CDK14: variants seen among roughly 807,000 people sequenced by gnomAD.
CDK14 encodes cyclin dependent kinase 14, also known as cyclin-dependent kinase 14.
Under a neutral mutation model 60.7 loss-of-function variants are expected in CDK14, and 34 were observed. That is an observed-to-expected ratio of 0.56 (90% CI 0.43 to 0.75). CDK14 has a LOEUF of 0.75. CDK14 is among the 30% of genes least tolerant of loss of function. CDK14 has a pLI of 0.00. For missense variants in CDK14, 482 were observed against 564.1 expected (o/e 0.85, Z 1.47); for synonymous variants, 197 against 203.7 (o/e 0.97, Z 0.28).
At chr7:91,048,324 T>G (rs1797297299) in intron 11 of CDK14, among the ~76,000 whole-genome samples, 1 of 152,222 alleles carries the variant, frequency 6.6e-6, no homozygotes, top group South Asian at 2.1e-4. Context: ...CTCATGTCAC[T>G]GCAAGGAGGA....
At chr7:91,146,490 C>T (rs892684843) in intron 14 of CDK14, among the ~76,000 whole-genome samples, 9 of 152,258 alleles carry the variant, frequency 5.9e-5, no homozygotes, top group Admixed American at 2.0e-4. Flanking sequence ...CGTGAGCCAC[C>T]GTGCCCAGCG....
intron 2 of CDK14, among the ~76,000 whole-genome samples, chr7:90,643,691 G>T (rs564102271): frequency 1.2e-4 from 18 of 152,290 alleles, no homozygotes; most frequent in African/African-American, 4.3e-4. Flanking sequence ...TAGGAAGCCA[G>T]ATGACAGCTT....
At chr7:90,710,362 T>G in intron 2 of CDK14, 1 of 985,318 alleles carries the variant, frequency 1.0e-6, no homozygotes, top group African/African-American at 1.7e-5. Flanking sequence ...GAATGCCCTC[T>G]GAGTCAAGCA....
At chr7:90,817,988 A>G (rs1745992312) in intron 5 of CDK14, among the ~76,000 whole-genome samples, 1 of 152,188 alleles carries the variant, frequency 6.6e-6, no homozygotes, top group South Asian at 2.1e-4. Context: ...ATTCACACCT[A>G]AGCCCATCTG....
intron 2 of CDK14, among the ~76,000 whole-genome samples, chr7:90,637,733 G>T (rs1242414222): frequency 1.5e-5 from 2 of 133,476 alleles, no homozygotes; most frequent in African/African-American, 5.9e-5. Context: ...TTGACAGTGG[G>T]GTGTTAAAGT....
intron 4 of CDK14, among the ~76,000 whole-genome samples, chr7:90,782,091 A>C (rs1213843672): frequency 9.2e-5 from 14 of 151,734 alleles, no homozygotes; most frequent in African/African-American, 1.7e-4. Flanking sequence ...CTTTTATTTC[A>C]TTGAGCAGTG....
At chr7:90,667,771 G>A (rs941795121) in intron 2 of CDK14, among the ~76,000 whole-genome samples, 5 of 151,988 alleles carry the variant, frequency 3.3e-5, no homozygotes, top group South Asian at 2.1e-4. Context: ...GGGTTTCACC[G>A]TGTTAGCCAT....
chr7:90,856,950 G>C (rs948709921), intron 5 of CDK14, among the ~76,000 whole-genome samples: 2 of 152,142 alleles, frequency 1.3e-5, no homozygotes, highest in African/African-American at 4.8e-5. Context: ...TAAGATGAAA[G>C]GAGCCTGTGA....
intron 2 of CDK14, among the ~76,000 whole-genome samples, chr7:90,641,615 C>T (rs7787831): frequency 4.1e-5 from 6 of 147,090 alleles, no homozygotes; most frequent in Non-Finnish European, 9.0e-5. Context: ...TGCTTAGGGC[C>T]GAGGTGGAAG....
At chr7:90,816,802 AT>A (rs1789373180) in intron 5 of CDK14, among the ~76,000 whole-genome samples, 1 of 152,206 alleles carries the variant, frequency 6.6e-6, no homozygotes, top group Non-Finnish European at 1.5e-5. Flanking sequence ...ATAACCATTT[AT>A]CCCAGTAAAT....
At chr7:91,036,186 C>T (rs918935756) in intron 10 of CDK14, among the ~76,000 whole-genome samples, 1 of 152,164 alleles carries the variant, frequency 6.6e-6, no homozygotes, top group African/African-American at 2.4e-5. Flanking sequence ...TCAGCTGGGG[C>T]AGCAGTCTGA....
intron 5 of CDK14, among the ~76,000 whole-genome samples, chr7:90,813,089 C>G (rs1247967727): frequency 6.6e-6 from 1 of 152,196 alleles, no homozygotes; most frequent in Non-Finnish European, 1.5e-5. Context: ...GAGCTAACTA[C>G]TGATAACATG....
intron 5 of CDK14, among the ~76,000 whole-genome samples, chr7:90,839,799 A>C (rs1790229254): frequency 6.6e-6 from 1 of 152,146 alleles, no homozygotes. Flanking sequence ...ATCAAAGTGG[A>C]ATGTGTTCCA....
In CDK14 at chr7:90,747,685, C is replaced by T; in HGVS notation, c.374C>T (p.Thr125Ile). Residue 125 changes from threonine (T) to isoleucine (I), a missense_variant, in exon 4 of 15, where the codon ACA becomes ATA. Coordinates refer to ENST00000380050, the MANE Select transcript of CDK14 (RefSeq NM_001287135.2). ...VRRHSSPSSP[T>I]SPKFGKADSY... ...TACCCTGTGCTTCATTTTTAGCCAACAAGTCCCAAATTTGGAAAAGCTGAC... is the reference window on the plus strand; with the variant it reads ...TACCCTGTGCTTCATTTTTAGCCAATAAGTCCCAAATTTGGAAAAGCTGAC... 2 of 1,586,634 alleles carry T rather than the reference C, an allele frequency of 1.3e-6. No homozygotes were observed. The highest frequency in any genetic ancestry group is 2.7e-5 in the African/African-American group (2 of 73,430).
chr7:90,611,246 C>G (rs17866206), intron 2 of CDK14, among the ~76,000 whole-genome samples: 2,803 of 152,296 alleles, frequency 0.018, 83 homozygotes, highest in African/African-American at 0.063. Flanking sequence ...GCCTTCTGTC[C>G]TCTATGATCA....
intron 12 of CDK14, among the ~76,000 whole-genome samples, chr7:91,103,551 C>G (rs1263055157): frequency 1.3e-5 from 2 of 152,100 alleles, no homozygotes; most frequent in African/African-American, 4.8e-5. Flanking sequence ...GCAGGAAATT[C>G]TGGTAGGTCA....
intron 14 of CDK14, among the ~76,000 whole-genome samples, chr7:91,197,028 A>G (rs1802563273): frequency 6.6e-6 from 1 of 152,166 alleles, no homozygotes. Context: ...TACTGTGCAT[A>G]TTAATCCTGT....
intron 4 of CDK14, among the ~76,000 whole-genome samples, chr7:90,763,994 T>C (rs1215605145): frequency 2.6e-5 from 4 of 152,202 alleles, no homozygotes; most frequent in African/African-American, 9.7e-5. Context: ...ATATAATTTT[T>C]ATTTTTCTGG....
At chr7:90,994,837 G>A (rs1204067689) in intron 10 of CDK14, among the ~76,000 whole-genome samples, 1 of 152,174 alleles carries the variant, frequency 6.6e-6, no homozygotes, top group Non-Finnish European at 1.5e-5. Flanking sequence ...TGACACATCT[G>A]AGGCAAGTGA....
Sources: allele counts gnomAD v4.1 joint callset (sites outside exome capture counted in the v4.1 genomes callset), GRCh38; gene constraint gnomAD v4.1.1; transcripts MANE v1.5; gene names NCBI Gene and HGNC (gene_info 2026-07-23, HGNC 2026-07-21).